The following ZNF800 variants were observed in gnomAD, a reference collection of about 807,000 sequenced individuals.
ZNF800 encodes the protein zinc finger protein 800.
ZNF800 carries 13 observed loss-of-function variants against 59.5 expected under a neutral mutation model. The observed-to-expected ratio is 0.22, with a 90% CI of 0.14 to 0.35. The LOEUF is 0.35. Among genes scored for constraint, ZNF800 ranks in the 10% least tolerant of loss-of-function variants. The pLI, the probability that ZNF800 is intolerant of heterozygous loss-of-function variation, is 1.00. For missense variants in ZNF800, 621 were observed against 783.7 expected, an observed-to-expected ratio of 0.79 and a Z score of 2.48; for synonymous variants, 266 against 265.7, an observed-to-expected ratio of 1.00 and a Z score of -0.01.
At chr7:127,391,265 G>A (rs1260426240) in intron 2 of ZNF800, among the ~76,000 whole-genome samples, 1 of 152,132 alleles carries the variant, frequency 6.6e-6, no homozygotes, top group Non-Finnish European at 1.5e-5. Flanking sequence ...CTGAGCGACT[G>A]ATCTTGTGGA....
At chr7:127,364,680 AGTT>A (rs1018110956) in intron 1 of ZNF800, 4 of 152,044 alleles carry the variant, frequency 2.6e-5, no homozygotes, top group African/African-American at 9.7e-5. Flanking sequence ...AAAGAGGAGG[AGTT>A]GTTGGAAGAA....
In ZNF800 at chr7:127,392,437, C is replaced by G. The variant is rs1054667570; in HGVS notation, c.-436G>C. On this transcript the variant is annotated 5_prime_UTR_variant, in exon 1 of 6. Coordinates refer to ENST00000265827, the MANE Select transcript of ZNF800 (RefSeq NM_176814.5). ...AGCGGGCAGGACCTGAGGCTTCCCTCGCCGGGGCAACGGCTGCCGCCGCAA... is the reference window on the plus strand; with the variant it reads ...AGCGGGCAGGACCTGAGGCTTCCCTGGCCGGGGCAACGGCTGCCGCCGCAA... 4.7e-4 allele frequency: 175 copies of G among 374,414 alleles called. No individual in the cohort carries two copies. Among genetic ancestry groups the G allele is most frequent in the Admixed American group, 6.0e-4 (13 of 21,798 alleles). 23.2% of individuals were successfully genotyped at this position (374,414 alleles called of 1,614,324 possible).
chr7:127,346,731 AAG>A (rs2117002545), downstream of ZNF800: 2 of 152,546 alleles, frequency 1.3e-5, no homozygotes, highest in South Asian at 4.1e-4. Context: ...TTCAATGTGC[AAG>A]AGTTTTATTA....
downstream of ZNF800, among the ~76,000 whole-genome samples, chr7:127,345,838 T>C (rs769713853): frequency 1.3e-5 from 2 of 152,126 alleles, no homozygotes; most frequent in Non-Finnish European, 2.9e-5. Context: ...TGTCACAATA[T>C]CCCGGTAGGA....
At chr7:127,345,714 T>C (rs1186885128), downstream of ZNF800, among the ~76,000 whole-genome samples, 1 of 152,176 alleles carries the variant, frequency 6.6e-6, no homozygotes, top group African/African-American at 2.4e-5. Flanking sequence ...TTAGATTTTA[T>C]CCTAAAAGCA....
intron 1 of ZNF800, among the ~76,000 whole-genome samples, chr7:127,349,453 T>C (rs2117012914): frequency 6.6e-6 from 1 of 152,268 alleles, no homozygotes; most frequent in South Asian, 2.1e-4. Flanking sequence ...CCTCTGTAAG[T>C]TTCAGATATA....
At chr7:127,384,967 T>C (rs1489525568) in intron 3 of ZNF800, among the ~76,000 whole-genome samples, 2 of 152,124 alleles carry the variant, frequency 1.3e-5, no homozygotes, top group African/African-American at 4.8e-5. Flanking sequence ...TAAATACAGA[T>C]AAAAGCAATG....
At chr7:127,376,205 A>G (rs76754410) in intron 4 of ZNF800, among the ~76,000 whole-genome samples, 1 of 152,080 alleles carries the variant, frequency 6.6e-6, no homozygotes, top group East Asian at 1.9e-4. Context: ...AATGCTGTAT[A>G]ATATAACTTT....
intron 1 of ZNF800, 71 bp downstream of exon 1, chr7:127,391,989 C>G (rs534328644): frequency 8.9e-4 from 342 of 384,000 alleles, no homozygotes; most frequent in African/African-American, 5.9e-3. Context: ...GCCGCGCCCT[C>G]CCGCTACGCA....
chr7:127,389,141 T>C (rs1454500781), intron 2 of ZNF800, among the ~76,000 whole-genome samples: 1 of 152,000 alleles, frequency 6.6e-6, no homozygotes, highest in African/African-American at 2.4e-5. Context: ...GGGACTTGCT[T>C]ACAAATATTA....
At chr7:127,384,962 A>C (rs753563960) in intron 3 of ZNF800, among the ~76,000 whole-genome samples, 1 of 152,222 alleles carries the variant, frequency 6.6e-6, no homozygotes, top group East Asian at 1.9e-4. Context: ...TAAATTAAAT[A>C]CAGATAAAAG....
chr7:127,349,431 T>C (rs1800131670), intron 1 of ZNF800, among the ~76,000 whole-genome samples: 3 of 152,198 alleles, frequency 2.0e-5, no homozygotes, highest in African/African-American at 4.8e-5. Context: ...TGTTATTAGA[T>C]TGATAGAAGA....
At chr7:127,353,694 A>G (rs565332777) in intron 1 of ZNF800, among the ~76,000 whole-genome samples, 1 of 152,326 alleles carries the variant, frequency 6.6e-6, no homozygotes, top group East Asian at 1.9e-4. Flanking sequence ...CTCTATGAAT[A>G]TTATCATGGA....
chr7:127,356,945 T>C (rs1800283447), intron 1 of ZNF800, among the ~76,000 whole-genome samples: 1 of 152,040 alleles, frequency 6.6e-6, no homozygotes, highest in African/African-American at 2.4e-5. Context: ...CTGGGAATTC[T>C]TTCCTTTAAA....
chr7:127,364,027 A>G (rs1442105928), intron 1 of ZNF800: 2 of 152,208 alleles, frequency 1.3e-5, no homozygotes, highest in East Asian at 3.9e-4. Context: ...TTTCTATCTC[A>G]TTAGAAGATT....
At chr7:127,349,449 T>G (rs1185970223) in intron 1 of ZNF800, among the ~76,000 whole-genome samples, 1 of 152,188 alleles carries the variant, frequency 6.6e-6, no homozygotes, top group Non-Finnish European at 1.5e-5. Context: ...AGATCCTCTG[T>G]AAGTTTCAGA....
At chr7:127,354,760 G>A (rs1350348743) in intron 1 of ZNF800, among the ~76,000 whole-genome samples, 2 of 152,030 alleles carry the variant, frequency 1.3e-5, no homozygotes, top group African/African-American at 4.8e-5. Context: ...TTCTTCATCA[G>A]CTACACATTT....
chr7:127,361,576 G>GA (rs1276630316), intron 1 of ZNF800: 1 of 151,812 alleles, frequency 6.6e-6, no homozygotes, highest in African/African-American at 2.4e-5. Context: ...AAAAGGAAAA[G>GA]AAAAATCAAT....
chr7:127,361,506 A>T (rs1011741562), intron 1 of ZNF800: 3 of 152,074 alleles, frequency 2.0e-5, no homozygotes, highest in African/African-American at 4.8e-5. Context: ...ACCTGAGCCC[A>T]GGAGTTCGAG....
Sources: allele counts gnomAD v4.1 joint callset (sites outside exome capture counted in the v4.1 genomes callset), GRCh38; gene constraint gnomAD v4.1.1; transcripts MANE v1.5; gene names NCBI Gene and HGNC (gene_info 2026-07-23, HGNC 2026-07-21).